The following ORC3 variants were observed in gnomAD, a reference collection of about 807,000 sequenced individuals.
The protein encoded by ORC3 is homolog of latheo, Drosophila.
ORC3 carries 78 observed loss-of-function variants against 100.7 expected under a neutral mutation model. That is an observed-to-expected ratio of 0.77 (90% CI 0.65 to 0.94). The LOEUF (loss-of-function observed/expected upper bound fraction) is 0.94, where lower values mean the gene tolerates loss of function less well. Among genes scored for constraint, ORC3 ranks in the 40% least tolerant of loss-of-function variants. The pLI is 0.00. For synonymous variants in ORC3, 295 were observed against 289.3 expected (o/e 1.02, Z -0.20); for missense variants, 789 against 823.9 (o/e 0.96, Z 0.52).
At chr6:87,611,723 A>G (rs1428869358) in intron 7 of ORC3, among the ~76,000 whole-genome samples, 4 of 151,922 alleles carry the variant, frequency 2.6e-5, no homozygotes, top group African/African-American at 9.7e-5. Flanking sequence ...TGGAGGTTGC[A>G]GTGAGCCGAG....
chr6:87,619,829 C>T (rs1162115974), intron 9 of ORC3, among the ~76,000 whole-genome samples: 3 of 152,072 alleles, frequency 2.0e-5, no homozygotes, highest in African/African-American at 7.2e-5. Context: ...CTCATTTCCC[C>T]AGTTTTCCTA....
In ORC3 at chr6:87,644,547, A is replaced by G. The variant is rs185402964; in HGVS notation, c.1382+8061A>G. On this transcript the variant is annotated intron_variant, in intron 13 of 19. Coordinates refer to ENST00000392844, the MANE Select transcript of ORC3 (RefSeq NM_012381.4). The stretch of plus-strand genomic sequence containing the variant: ...GAAACCCTGTCTGTACTAAAAATAC[A>G]AAAATTAGCCGGGCGTGGTGGCACA... Among the ~76,000 whole-genome samples the G allele has an allele frequency of 2.8e-3, 431 of 152,188 alleles. 2 individuals carry two copies. The highest frequency in any genetic ancestry group is 9.6e-3 in the African/African-American group (400 of 41,560).
At chr6:87,623,525 T>A (rs558374056) in intron 11 of ORC3, among the ~76,000 whole-genome samples, 9 of 152,216 alleles carry the variant, frequency 5.9e-5, no homozygotes, top group African/African-American at 2.2e-4. Context: ...ATAGATTTTT[T>A]AAGAGTACCT....
chr6:87,590,162 T>TA lies in ORC3; in HGVS notation c.-5dup. On this transcript the variant is annotated 5_prime_UTR_variant, in exon 1 of 20. Coordinates refer to ENST00000392844, the MANE Select transcript of ORC3 (RefSeq NM_012381.4). ...GTGCATCTGGAATACGCAGAGTCAG[T>TA]AAGACCATGGCTACGTCCTCGATGT... The TA allele has an allele frequency of 6.2e-7, 1 of 1,614,144 alleles. No individual in the cohort carries two copies. Among genetic ancestry groups the TA allele is most frequent in the South Asian group, 1.1e-5 (1 of 91,086 alleles).
intron 14 of ORC3, among the ~76,000 whole-genome samples, chr6:87,653,784 A>G (rs1769458322): frequency 6.6e-6 from 1 of 152,204 alleles, no homozygotes; most frequent in Non-Finnish European, 1.5e-5. Flanking sequence ...TCAGTCCTAA[A>G]TTAACTGAAG....
intron 16 of ORC3, among the ~76,000 whole-genome samples, chr6:87,662,380 C>G (rs1327529194): frequency 6.6e-6 from 1 of 151,804 alleles, no homozygotes; most frequent in Non-Finnish European, 1.5e-5. Flanking sequence ...TGCAGTGAGC[C>G]GAGATTGCAC....
downstream of ORC3, among the ~76,000 whole-genome samples, chr6:87,668,860 G>A (rs1770771499): frequency 1.3e-5 from 2 of 152,182 alleles, no homozygotes; most frequent in Non-Finnish European, 2.9e-5. Context: ...GTGGGCGCCT[G>A]TAATCCCAGC....
the ORC3 span, among the ~76,000 whole-genome samples, chr6:87,676,596 A>AACACACGCGCGCGCGCACACAC: frequency 2.1e-5 from 3 of 142,146 alleles, no homozygotes; most frequent in African/African-American, 8.1e-5. Flanking sequence ...CTCTACTAAA[A>AACACACGCGCGCGCGCACACAC]ACACACACAC....
Position 87,634,907 on chromosome 6 carries a change from G to C in ORC3, c.1248G>C (p.Leu416Phe). 2 of 1,608,212 alleles carry C rather than the reference G, an allele frequency of 1.2e-6. No homozygotes were observed. Among genetic ancestry groups the C allele is most frequent in the Non-Finnish European group, 1.7e-6 (2 of 1,174,842 alleles). ...ATCATATGAATTACTTCCTGGTTTT[G>C]AGATGTCTTCATAAGTTCACCTCTT... ...HVYHMNYFLV[L>F]RCLHKFTSSL... is the part of the protein sequence containing the mutation. Residue 416 changes from leucine to phenylalanine, a missense_variant, in exon 12 of 20, where the codon TTG becomes TTC. Transcript: ENST00000392844.
In ORC3 at chr6:87,601,344, A is replaced by G. The variant is rs373342998; in HGVS notation, c.80-440A>G. Among the ~76,000 whole-genome samples, 451 of 152,274 alleles carry G rather than the reference A, an allele frequency of 3.0e-3. 3 individuals are homozygous for G. Among genetic ancestry groups the G allele is most frequent in the African/African-American group, 9.9e-3 (413 of 41,544 alleles). On this transcript the variant is annotated intron_variant, in intron 2 of 19. Transcript: ENST00000392844. ...TGAAATACAGAGGATATTGAATGTT[A>G]CCTGTCCCCAAATATATGTTTTTGA... is the stretch of plus-strand genomic sequence containing the variant.
At chr6:87,631,487 G>T (rs556056363) in intron 11 of ORC3, among the ~76,000 whole-genome samples, 346 of 152,112 alleles carry the variant, frequency 2.3e-3, no homozygotes, top group African/African-American at 7.8e-3. Flanking sequence ...CTGCTGTAAT[G>T]TATTAAATGG....
chr6:87,614,264 C>T (rs888731357), intron 8 of ORC3, among the ~76,000 whole-genome samples: 1 of 152,208 alleles, frequency 6.6e-6, no homozygotes, highest in Non-Finnish European at 1.5e-5. Context: ...CCTTTTCAGC[C>T]ACAGCTGGAG....
At chr6:87,626,376 T>C (rs2128270077) in intron 11 of ORC3, among the ~76,000 whole-genome samples, 1 of 152,368 alleles carries the variant, frequency 6.6e-6, no homozygotes, top group African/African-American at 2.4e-5. Flanking sequence ...CAGTGGTTTG[T>C]AATTCTCCTT....
At chr6:87,646,506 G>C (rs1768801290) in intron 13 of ORC3, among the ~76,000 whole-genome samples, 1 of 152,164 alleles carries the variant, frequency 6.6e-6, no homozygotes, top group Non-Finnish European at 1.5e-5. Context: ...TTGTCTCACT[G>C]TCTCTAATTC....
At position 87,667,095 on chromosome 6, in the gene ORC3, T is replaced by C; in HGVS notation, c.2108T>C (p.Val703Ala). ...IKPTKQKTDH[V>A]ARLTWGGC is the part of the protein sequence containing the mutation. The stretch of plus-strand genomic sequence containing the variant: ...CCTACCAAACAGAAGACTGACCATG[T>C]GGCAAGACTAACATGGGGAGGCTGC... The change falls in exon 20 of 20, where the codon GTG becomes GCG. Residue 703 changes from valine (V) to alanine (A), a missense_variant. Transcript: ENST00000392844. 1.2e-6 allele frequency: 2 copies of C among 1,609,764 alleles called. No individual in the cohort carries two copies. The highest frequency in any genetic ancestry group is 1.3e-5 in the African/African-American group (1 of 74,888).
At chr6:87,615,910 C>T (rs955728701) in intron 8 of ORC3, among the ~76,000 whole-genome samples, 2 of 151,776 alleles carry the variant, frequency 1.3e-5, no homozygotes, top group African/African-American at 2.4e-5. Context: ...TTCAACAATA[C>T]ATAATATATT....
the ORC3 span, chr6:87,675,452 C>G: frequency 7.1e-6 from 8 of 1,128,304 alleles, no homozygotes; most frequent in Non-Finnish European, 1.0e-5. Flanking sequence ...CCAGTTGCTG[C>G]TGCCTAAGAG....
intron 13 of ORC3, among the ~76,000 whole-genome samples, chr6:87,639,107 T>C (rs1768030461): frequency 6.6e-6 from 1 of 152,126 alleles, no homozygotes; most frequent in South Asian, 2.1e-4. Flanking sequence ...ATGCATCCCA[T>C]TCTCAAGATA....
intron 16 of ORC3, among the ~76,000 whole-genome samples, chr6:87,661,206 G>T (rs1481466510): frequency 6.6e-6 from 1 of 152,194 alleles, no homozygotes; most frequent in African/African-American, 2.4e-5. Context: ...ACTGCCTGAG[G>T]TTAGTGTAGG....
Sources: allele counts gnomAD v4.1 joint callset (sites outside exome capture counted in the v4.1 genomes callset), GRCh38; gene constraint gnomAD v4.1.1; transcripts MANE v1.5; gene names NCBI Gene and HGNC (gene_info 2026-07-23, HGNC 2026-07-21).